PIP5K1B: variants seen among roughly 807,000 people sequenced by gnomAD.
PIP5K1B encodes the protein phosphatidylinositol 4-phosphate 5-kinase type-1 beta.
In PIP5K1B, 42 loss-of-function variants were observed where a neutral mutation model predicts 67.0. The observed-to-expected ratio is 0.63, with a 90% confidence interval of 0.49 to 0.81. The LOEUF is 0.81. Among genes scored for constraint, PIP5K1B ranks in the 30% least tolerant of loss-of-function variants. The pLI, the probability that PIP5K1B is intolerant of heterozygous loss-of-function variation, is 0.00. For missense variants in PIP5K1B, 459 were observed against 646.3 expected (o/e 0.71, Z 3.14); for synonymous variants, 214 against 231.4 (o/e 0.92, Z 0.68).
intron 5 of PIP5K1B, among the ~76,000 whole-genome samples, chr9:68,875,715 C>A (rs1276715649): frequency 6.6e-6 from 1 of 152,130 alleles, no homozygotes; most frequent in Admixed American, 6.5e-5. Context: ...AATGTCCCAC[C>A]TAGAATGTAG....
At chr9:68,853,226 C>T (rs1822584371) in intron 4 of PIP5K1B, among the ~76,000 whole-genome samples, 1 of 152,142 alleles carries the variant, frequency 6.6e-6, no homozygotes, top group African/African-American at 2.4e-5. Flanking sequence ...ACAATACAAG[C>T]TGAAGGGATG....
chr9:68,718,311 G>A (rs977418217), intron 1 of PIP5K1B, among the ~76,000 whole-genome samples: 1 of 152,082 alleles, frequency 6.6e-6, no homozygotes, highest in Non-Finnish European at 1.5e-5. Flanking sequence ...CCTTTAACCT[G>A]GGAAATGTCT....
chr9:68,957,112 T>TG (rs887924837), intron 14 of PIP5K1B, among the ~76,000 whole-genome samples: 20 of 152,336 alleles, frequency 1.3e-4, no homozygotes, highest in African/African-American at 4.1e-4. Flanking sequence ...CTTTCTGCTC[T>TG]GCCATGCTTC....
intron 2 of PIP5K1B, among the ~76,000 whole-genome samples, chr9:68,798,218 A>G (rs1219978588): frequency 6.6e-6 from 1 of 152,218 alleles, no homozygotes; most frequent in Non-Finnish European, 1.5e-5. Context: ...AGCTTAATTG[A>G]TAGAAGTCTG....
At chr9:68,961,777 GT>G (rs1828762686) in intron 14 of PIP5K1B, among the ~76,000 whole-genome samples, 1 of 152,180 alleles carries the variant, frequency 6.6e-6, no homozygotes, top group African/African-American at 2.4e-5. Flanking sequence ...TCCTTGTGCT[GT>G]GACTAATGAT....
chr9:68,708,831 TAAGA>T (rs1194360034), intron 1 of PIP5K1B, among the ~76,000 whole-genome samples: 1 of 152,172 alleles, frequency 6.6e-6, no homozygotes, highest in African/African-American at 2.4e-5. Flanking sequence ...GGAAGAATGA[TAAGA>T]AAGAATATAG....
chr9:68,723,695 G>GTTTTTT (rs36021674), intron 1 of PIP5K1B, among the ~76,000 whole-genome samples: 79 of 50,106 alleles, frequency 1.6e-3, no homozygotes, highest in African/African-American at 1.7e-3. Context: ...GAAGTATTTG[G>GTTTTTT]TTTTTTTTTT....
intron 7 of PIP5K1B, among the ~76,000 whole-genome samples, chr9:68,890,696 CAA>C (rs76772005): frequency 2.7e-5 from 3 of 111,746 alleles, no homozygotes; most frequent in African/African-American, 3.3e-5. Context: ...ATAGAAAAGC[CAA>C]AAAAAAAAAA....
At chr9:68,726,136 T>TCTATTTC (rs1828137263) in intron 1 of PIP5K1B, among the ~76,000 whole-genome samples, 1 of 152,218 alleles carries the variant, frequency 6.6e-6, no homozygotes, top group Non-Finnish European at 1.5e-5. Context: ...ATTGGATTGT[T>TCTATTTC]TGTAACACAA....
At chr9:68,730,686 TG>T (rs1828381542) in intron 1 of PIP5K1B, among the ~76,000 whole-genome samples, 1 of 152,236 alleles carries the variant, frequency 6.6e-6, no homozygotes, top group African/African-American at 2.4e-5. Flanking sequence ...TAGTGGACTT[TG>T]ACCTGGACTT....
At chr9:68,962,322 A>G (rs1423987991) in intron 14 of PIP5K1B, among the ~76,000 whole-genome samples, 2 of 152,212 alleles carry the variant, frequency 1.3e-5, no homozygotes, top group African/African-American at 2.4e-5. Context: ...GTTATTTTTC[A>G]TATGCAAGTA....
chr9:68,975,235 A>T (rs937732431), intron 14 of PIP5K1B, among the ~76,000 whole-genome samples: 1 of 151,968 alleles, frequency 6.6e-6, no homozygotes, highest in South Asian at 2.1e-4. Flanking sequence ...TGCCCAGCTA[A>T]TGTTTATATT....
At chr9:68,989,771 G>A (rs1342579325) in intron 14 of PIP5K1B, among the ~76,000 whole-genome samples, 1 of 152,196 alleles carries the variant, frequency 6.6e-6, no homozygotes, top group East Asian at 1.9e-4. Context: ...CCTGAGGTCA[G>A]GAGTTCAAGA....
intron 4 of PIP5K1B, among the ~76,000 whole-genome samples, chr9:68,861,298 G>C (rs1291076502): frequency 1.3e-5 from 2 of 151,878 alleles, no homozygotes; most frequent in Non-Finnish European, 2.9e-5. Context: ...TTTTTTCTTA[G>C]AACAAGAGCA....
intron 8 of PIP5K1B, among the ~76,000 whole-genome samples, chr9:68,914,835 A>G (rs1293576219): frequency 1.3e-5 from 2 of 152,222 alleles, no homozygotes; most frequent in Non-Finnish European, 2.9e-5. Flanking sequence ...TTCTAAAGGA[A>G]TTAGGATTTG....
intron 2 of PIP5K1B, among the ~76,000 whole-genome samples, chr9:68,744,052 C>T (rs1170763334): frequency 6.6e-6 from 1 of 152,064 alleles, no homozygotes; most frequent in Non-Finnish European, 1.5e-5. Flanking sequence ...CATTTGTCTT[C>T]CTGGAAAAGG....
intron 2 of PIP5K1B, among the ~76,000 whole-genome samples, chr9:68,749,704 G>C (rs376231118): frequency 6.6e-6 from 1 of 152,134 alleles, no homozygotes; most frequent in Non-Finnish European, 1.5e-5. Flanking sequence ...TCTCAACCTC[G>C]GCACTAATGA....
At chr9:68,804,769 T>C (rs1832780179) in intron 2 of PIP5K1B, among the ~76,000 whole-genome samples, 2 of 152,120 alleles carry the variant, frequency 1.3e-5, no homozygotes, top group Non-Finnish European at 2.9e-5. Context: ...AGGCAAGTTA[T>C]TTAACCTCTC....
chr9:68,965,408 C>T (rs1828968322), intron 14 of PIP5K1B, among the ~76,000 whole-genome samples: 1 of 152,210 alleles, frequency 6.6e-6, no homozygotes, highest in South Asian at 2.1e-4. Context: ...CCAAGCCTTT[C>T]TGCCTGAACT....
Sources: gnomAD v4.1 joint callset for allele counts (sites outside exome capture counted in the v4.1 genomes callset) on GRCh38, gnomAD v4.1.1 for gene constraint, MANE v1.5 for transcripts, NCBI Gene and HGNC (gene_info 2026-07-23, HGNC 2026-07-21) for gene names.